The following GPAM variants were observed in gnomAD, a reference collection of about 807,000 sequenced individuals.
The protein encoded by GPAM is glycerol-3-phosphate acyltransferase, mitochondrial, also known as glycerol-3-phosphate acyltransferase 1, mitochondrial.
Under a neutral mutation model 105.0 loss-of-function variants are expected in GPAM, and 56 were observed. That is an observed-to-expected ratio of 0.53 (90% CI 0.43 to 0.67). GPAM has a LOEUF of 0.67. Ranked by LOEUF, GPAM falls within the 30% of genes least tolerant of loss-of-function variation. The pLI is 0.00. For synonymous variants in GPAM, 368 were observed against 354.4 expected (o/e 1.04, Z -0.43); for missense variants, 855 against 989.8 (o/e 0.86, Z 1.83).
Position 112,164,551 on chromosome 10 carries a change from C to A in GPAM, c.1281G>T (p.Ala427=), listed in dbSNP as rs776824657. The part of the protein sequence containing the change: ...PVSALLSLEQ[A]LLPAILPSRP... ...TTGAAGGAAGTATAGCTGGTAACAA[C>A]GCTTGCTCCAGGGAAAGTAGAGCAG... Residue 427 remains alanine, a synonymous_variant, in exon 13 of 22, where the codon GCG becomes GCT. Coordinates refer to ENST00000348367, the MANE Select transcript of GPAM (RefSeq NM_001244949.2). 6 of 1,601,956 alleles carry A rather than the reference C, an allele frequency of 3.7e-6. No homozygotes were observed. Among genetic ancestry groups the A allele is most frequent in the Non-Finnish European group, 5.1e-6 (6 of 1,169,108 alleles).
At chr10:112,173,971 T>A (rs979504291) in intron 6 of GPAM, 126 bp from the exon 7 acceptor site, 3 of 787,594 alleles carry the variant, frequency 3.8e-6, no homozygotes, top group Non-Finnish European at 6.6e-6. Flanking sequence ...TGCGGTAACA[T>A]GAAAGAATAA....
chr10:112,168,117 A>C (rs914656933), intron 11 of GPAM, among the ~76,000 whole-genome samples, 195 bp downstream of exon 11: 1 of 152,228 alleles, frequency 6.6e-6, no homozygotes, highest in African/African-American at 2.4e-5. Context: ...AGAAAACACC[A>C]CATAAGCACT....
At position 112,153,628 on chromosome 10, in the gene GPAM, T is replaced by C; in HGVS notation, c.2409A>G (p.Leu803=). 1.9e-6 allele frequency: 3 copies of C among 1,612,722 alleles called. No homozygotes were observed. The highest frequency in any genetic ancestry group is 2.5e-6 in the Non-Finnish European group (3 of 1,178,826). ...KETKQKRVSV[L]ELSSTFLPQC... is the part of the protein sequence containing the mutation. ...GAGGTAGAAAAGTGCTGCTCAGTTC[T>C]AAAACAGACACTCTCTTTTGTTTGG... is the stretch of plus-strand genomic sequence containing the variant. The change falls in exon 22 of 22, where the codon TTA becomes TTG. Residue 803 remains leucine (L), a synonymous_variant. Transcript: ENST00000348367.
chr10:112,179,511 G>A (rs537282777), intron 4 of GPAM, among the ~76,000 whole-genome samples: 40 of 152,158 alleles, frequency 2.6e-4, no homozygotes, highest in Non-Finnish European at 4.9e-4. Flanking sequence ...TGGTTTAAAA[G>A]AAGCAATATT....
At chr10:112,163,867 A>C (rs534478674) in intron 13 of GPAM, 51 bp from the exon 14 acceptor site, 1 of 807,478 alleles carries the variant, frequency 1.2e-6, no homozygotes, top group South Asian at 1.3e-5. Flanking sequence ...TTACAAGGCA[A>C]ACCATGTGGA....
chr10:112,221,542 G>A, the GPAM span, among the ~76,000 whole-genome samples: 1 of 152,288 alleles, frequency 6.6e-6, no homozygotes, highest in East Asian at 1.9e-4. Context: ...TCAAATTTAA[G>A]AATCACTGGC....
chr10:112,155,867 A>G lies in GPAM; in HGVS notation c.2308T>C (p.Tyr770His), dbSNP rs1227151108. 3.8e-6 allele frequency: 6 copies of G among 1,571,452 alleles called. No homozygotes were observed. In the Admixed American group the frequency reaches 1.0e-4, roughly 26 times the overall value. ...ITRTERNVAV[Y>H]AESATYCLVK... ...AATAAATAGTGACTTAACATACCAT[A>G]TACTGCAACATTTCTTTCTGTTCTG... is the stretch of plus-strand genomic sequence containing the variant. The change falls in exon 20 of 22, where the codon TAT becomes CAT. Residue 770 changes from tyrosine to histidine, a missense_variant. By Grantham distance (83) the Tyr-to-His change is moderately conservative. Transcript: ENST00000348367.
At position 112,152,272 on chromosome 10, in the gene GPAM, T is replaced by A. The variant is rs1225987638; in HGVS notation, c.*1278A>T. On this transcript the variant is annotated 3_prime_UTR_variant, in exon 22 of 22. Transcript: ENST00000348367. ...TTACATGATATTTAAAAAATCACCATAATTACCATAATAAACCAATAATTA... is the reference window on the plus strand; with the variant it reads ...TTACATGATATTTAAAAAATCACCAAAATTACCATAATAAACCAATAATTA... 2 of 981,202 alleles carry A rather than the reference T, an allele frequency of 2.0e-6. No individual in the cohort carries two copies. Among genetic ancestry groups the A allele is most frequent in the Non-Finnish European group, 2.4e-6 (2 of 826,196 alleles). 60.8% of individuals were successfully genotyped at this position (981,202 alleles called of 1,614,324 possible).
chr10:112,175,852 C>A, intron 5 of GPAM, 139 bp from the exon 6 acceptor site: 2 of 656,140 alleles, frequency 3.0e-6, no homozygotes, highest in Non-Finnish European at 2.8e-6. Context: ...ACAGCAAATT[C>A]TCCTTAGTAG....
At chr10:112,157,073 T>G in intron 19 of GPAM, 176 bp downstream of exon 19, 1 of 668,252 alleles carries the variant, frequency 1.5e-6, no homozygotes, top group Admixed American at 2.4e-5. Flanking sequence ...CTTTTCTACT[T>G]AAAATGCTAT....
Position 112,160,688 on chromosome 10 carries a change from G to C in GPAM, c.1675C>G (p.Pro559Ala). The C allele has an allele frequency of 4.3e-6, 7 of 1,613,628 alleles. 1 individual carries two copies. The highest frequency in any genetic ancestry group is 5.9e-6 in the Non-Finnish European group (7 of 1,179,570). ...TSRNDEFFIT[P>A]STTVPSVFEL... is the part of the protein sequence containing the mutation. ...AAGACTGATGGGACAGTTGTGCTGGGGGTGATAAAAAACTCATCGTTCCTG... is the reference window on the plus strand; with the variant it reads ...AAGACTGATGGGACAGTTGTGCTGGCGGTGATAAAAAACTCATCGTTCCTG... Residue 559 changes from proline (P) to alanine (A), a missense_variant, in exon 16 of 22, where the codon CCC (proline) becomes GCC (alanine). Transcript: ENST00000348367.
At position 112,153,260 on chromosome 10, in the gene GPAM, C is replaced by T. The variant is rs972165315; in HGVS notation, c.*290G>A. 52 of 1,222,820 alleles carry T rather than the reference C, an allele frequency of 4.3e-5. No individual in the cohort carries two copies. Among genetic ancestry groups the T allele is most frequent in the Non-Finnish European group, 5.2e-5 (50 of 969,030 alleles). 75.7% of individuals were successfully genotyped at this position (1,222,820 alleles called of 1,614,324 possible). Reference sequence around the variant, plus strand: ...TAAAAGTTGTACTTAAAATGTCAATCTTTAATAAACTCAAAAATAATTTAT... The same window carrying T: ...TAAAAGTTGTACTTAAAATGTCAATTTTTAATAAACTCAAAAATAATTTAT... On this transcript the variant is annotated 3_prime_UTR_variant, in exon 22 of 22. Transcript: ENST00000348367.
chr10:112,158,382 T>G lies in GPAM; in HGVS notation c.1914A>C (p.Thr638=). 6.3e-7 allele frequency: 1 copy of G among 1,597,170 alleles called. No homozygotes were observed. The highest frequency in any genetic ancestry group is 1.1e-5 in the South Asian group (1 of 90,758). The change falls in exon 18 of 22, where the codon ACA becomes ACC. Residue 638 remains threonine (T), a synonymous_variant. Transcript: ENST00000348367. The stretch of plus-strand genomic sequence containing the variant: ...CTGTTTCATGGCAGACTTGGTAAAA[T>G]GTCTGGCAAGGCTGAAAAGAAAATT... ...NEGTISLPCQ[T]FYQVCHETVG... is the part of the protein sequence containing the mutation.
At chr10:112,163,933 CACAA>C in intron 13 of GPAM, 117 bp from the exon 14 acceptor site, 1 of 697,968 alleles carries the variant, frequency 1.4e-6, no homozygotes, top group African/African-American at 1.8e-5. Context: ...AAATTTAAAC[CACAA>C]ACAGATTATT....
chr10:112,163,626 C>G, intron 14 of GPAM, 75 bp downstream of exon 14: 2 of 796,298 alleles, frequency 2.5e-6, no homozygotes, highest in South Asian at 2.8e-5. Flanking sequence ...TCAGCAGATT[C>G]CAAAATCTGT....
At chr10:112,177,925 T>C (rs1475296433) in intron 5 of GPAM, 59 bp downstream of exon 5, 2 of 894,958 alleles carry the variant, frequency 2.2e-6, no homozygotes, top group Non-Finnish European at 3.8e-6. Context: ...GTGTGTTAAC[T>C]GATTATTATG....
Position 112,164,584 on chromosome 10 carries a change from T to A in GPAM, c.1248A>T (p.Lys416Asn), listed in dbSNP as rs778716217. Residue 416 changes from lysine (K) to asparagine (N), a missense_variant, in exon 13 of 22, where the codon AAA becomes AAT. By Grantham distance (94) the Lys-to-Asn change is moderately conservative (BLOSUM62 0). Coordinates refer to ENST00000348367, the MANE Select transcript of GPAM (RefSeq NM_001244949.2). ...LKEYLESQSQ[K>N]PVSALLSLEQ... ...CCAGGGAAAGTAGAGCAGACACCGGTTTCTGACTTTGGCTTTCTAAATATT... is the reference window on the plus strand; with the variant it reads ...CCAGGGAAAGTAGAGCAGACACCGGATTCTGACTTTGGCTTTCTAAATATT... 6.2e-6 allele frequency: 10 copies of A among 1,604,830 alleles called. No homozygotes were observed. Among genetic ancestry groups the A allele is most frequent in the South Asian group, 3.3e-5 (3 of 90,916 alleles).
chr10:112,226,495 G>A, the GPAM span, among the ~76,000 whole-genome samples: 1 of 152,114 alleles, frequency 6.6e-6, no homozygotes, highest in Non-Finnish European at 1.5e-5. Flanking sequence ...CTGTGTTGGG[G>A]TGATCAGACC....
At chr10:112,167,537 A>T (rs1174968592) in intron 11 of GPAM, among the ~76,000 whole-genome samples, 1 of 152,352 alleles carries the variant, frequency 6.6e-6, no homozygotes, top group African/African-American at 2.4e-5. Flanking sequence ...CACAGCTATG[A>T]GAAGGAATAG....
Sources: allele counts gnomAD v4.1 joint callset (sites outside exome capture counted in the v4.1 genomes callset), GRCh38; gene constraint gnomAD v4.1.1; transcripts MANE v1.5; gene names NCBI Gene and HGNC (gene_info 2026-07-23, HGNC 2026-07-21).